RNF19A: variants seen among roughly 807,000 people sequenced by gnomAD.
RNF19A encodes the protein ring finger protein 19A, RBR E3 ubiquitin protein ligase, also known as E3 ubiquitin-protein ligase RNF19A.
In RNF19A, 32 loss-of-function variants were observed where a neutral mutation model predicts 75.7. That is an observed-to-expected ratio of 0.42 (90% confidence interval 0.32 to 0.57). The LOEUF is 0.57. RNF19A is among the 20% of genes least tolerant of loss of function. The probability of loss-of-function intolerance (pLI) is 0.10; values close to 1 mark genes in which losing one functional copy is unlikely to be tolerated. For synonymous variants in RNF19A, 335 were observed against 345.2 expected, an observed-to-expected ratio of 0.97 and a Z score of 0.33; for missense variants, 782 against 1,036.3, an observed-to-expected ratio of 0.75 and a Z score of 3.37.
chr8:100,318,473 T>A (rs1241873788), intron 1 of RNF19A, among the ~76,000 whole-genome samples: 1 of 152,212 alleles, frequency 6.6e-6, no homozygotes, highest in Non-Finnish European at 1.5e-5. Flanking sequence ...AAAAAATGTG[T>A]ATGAATACAT....
intron 1 of RNF19A, among the ~76,000 whole-genome samples, chr8:100,298,194 G>T: frequency 8.9e-6 from 1 of 111,882 alleles, no homozygotes; most frequent in African/African-American, 4.6e-5. Flanking sequence ...ACCATGTATT[G>T]GGTTAAAAAA....
In RNF19A at chr8:100,333,850, G is replaced by T. The variant is rs1360154468; in HGVS notation, c.-243+2258C>A. ...TAACAACAAAAACCGAAAACACATT[G>T]TCTATCTTTATTTACGACCCCATAA... On this transcript the variant is annotated intron_variant, in intron 1 of 3. Coordinates refer to the RNF19A transcript ENST00000519527. The surrounding 1 kb of genome is among the most constrained non-coding windows in gnomAD (Gnocchi z 4.7). Among the ~76,000 whole-genome samples the T allele has an allele frequency of 6.6e-6, 1 of 152,136 alleles. No individual in the cohort carries two copies. Among genetic ancestry groups the T allele is most frequent in the Non-Finnish European group, 1.5e-5 (1 of 68,030 alleles).
At chr8:100,309,355 A>T (rs1470700904) in intron 1 of RNF19A, 1 of 985,634 alleles carries the variant, frequency 1.0e-6, no homozygotes, top group Non-Finnish European at 1.2e-6. Context: ...TTGCGGGGCG[A>T]TGTCCCGGCT....
intron 1 of RNF19A, among the ~76,000 whole-genome samples, chr8:100,295,890 T>C (rs1391046981): frequency 6.6e-6 from 1 of 152,208 alleles, no homozygotes; most frequent in African/African-American, 2.4e-5. Flanking sequence ...CTGAAGTTCA[T>C]TATAATAAAG....
intron 1 of RNF19A, among the ~76,000 whole-genome samples, chr8:100,304,020 A>G (rs904220926): frequency 4.6e-5 from 7 of 152,114 alleles, no homozygotes; most frequent in African/African-American, 1.4e-4. Context: ...GCAATGTCGC[A>G]ATCTCGGCTC....
chr8:100,271,730 A>G (rs1045343061), intron 3 of RNF19A, among the ~76,000 whole-genome samples: 3 of 152,196 alleles, frequency 2.0e-5, no homozygotes, highest in Non-Finnish European at 4.4e-5. Flanking sequence ...ATACTTATTT[A>G]TCTATGAAAG....
intron 1 of RNF19A, among the ~76,000 whole-genome samples, chr8:100,296,978 GA>G (rs1390887040): frequency 6.6e-6 from 1 of 152,034 alleles, no homozygotes; most frequent in Non-Finnish European, 1.5e-5. Flanking sequence ...CACATGTATT[GA>G]AAACAAAAAT....
At chr8:100,290,406 T>G (rs1336706790) in intron 1 of RNF19A, among the ~76,000 whole-genome samples, 1 of 152,192 alleles carries the variant, frequency 6.6e-6, no homozygotes, top group African/African-American at 2.4e-5. Context: ...CCAGCCAAAC[T>G]TTCTTAATAT....
intron 3 of RNF19A, among the ~76,000 whole-genome samples, chr8:100,274,067 G>A (rs889843569): frequency 1.2e-4 from 18 of 152,298 alleles, no homozygotes; most frequent in African/African-American, 3.8e-4. Flanking sequence ...TTACAGGCAT[G>A]AGCCACCGTG....
At chr8:100,273,420 A>G (rs1295760753) in intron 3 of RNF19A, among the ~76,000 whole-genome samples, 1 of 152,184 alleles carries the variant, frequency 6.6e-6, no homozygotes, top group Non-Finnish European at 1.5e-5. Flanking sequence ...ACTTGGCTCT[A>G]AAGCAACTTT....
rs369324395 is a variant in RNF19A at position 100,317,127 on chromosome 8, G to GCCGCACGCAGCCCAGCCCGGGTTC, written c.-242-3779_-242-3756dup. ...CCGGAACTCCAGCTGGCCCGCAAGC[G>GCCGCACGCAGCCCAGCCCGGGTTC]CCGCACGCAGCCCAGCCCGGGTTCC... On this transcript the variant is annotated intron_variant, in intron 1 of 3. Transcript: ENST00000519527. The surrounding 1 kb of genome is among the most constrained non-coding windows in gnomAD (Gnocchi z 4.3). Among the ~76,000 whole-genome samples, 47,989 of 151,208 alleles carry GCCGCACGCAGCCCAGCCCGGGTTC rather than the reference G, an allele frequency of 0.32. 8,335 individuals carry two copies. Among genetic ancestry groups the GCCGCACGCAGCCCAGCCCGGGTTC allele is most frequent in the East Asian group, 0.41 (2,056 of 5,062 alleles).
chr8:100,295,777 A>T lies in RNF19A; in HGVS notation c.-93-7510T>A, dbSNP rs553646093. Among the ~76,000 whole-genome samples, 9 of 152,316 alleles carry T rather than the reference A, an allele frequency of 5.9e-5. No homozygotes were observed. In the South Asian group the frequency reaches 1.5e-3, roughly 25 times the overall value. ...TTTCTACCCAAGCTAATTTTGGCCC[A>T]AAGTAAACAGAGTTTTTATAAATCT... On this transcript the variant is annotated intron_variant, in intron 1 of 9. Transcript: ENST00000341084.
intron 1 of RNF19A, among the ~76,000 whole-genome samples, chr8:100,335,138 C>G (rs1822662670): frequency 6.6e-6 from 1 of 152,128 alleles, no homozygotes; most frequent in African/African-American, 2.4e-5. Context: ...TATTATCAAC[C>G]ATTATAAAAA....
rs1343916457 is a variant in RNF19A at position 100,274,970 on chromosome 8, T to C, written c.866A>G (p.Gln289Arg). 6.2e-7 allele frequency: 1 copy of C among 1,613,738 alleles called. No individual in the cohort carries two copies. The highest frequency in any genetic ancestry group is 2.2e-5 in the East Asian group (1 of 44,876). The change falls in exon 3 of 10, where the codon CAA (glutamine) becomes CGA (arginine). Residue 289 changes from glutamine to arginine, a missense_variant. Coordinates refer to ENST00000341084, the MANE Select transcript of RNF19A (RefSeq NM_183419.4). Reference sequence around the variant, plus strand: ...ATAAATACCTGCTGCTCCAGACTCTTGACTATAACTAATGGATGAAGAACG... The same window carrying C: ...ATAAATACCTGCTGCTCCAGACTCTCGACTATAACTAATGGATGAAGAACG... Reference protein sequence around the residue: ...TIRSSSISYSQESGAAADDIK... With the variant: ...TIRSSSISYSRESGAAADDIK...
rs764299825 is a variant in RNF19A at position 100,264,726 on chromosome 8, T to C, written c.1251A>G (p.Ala417=). The change falls in exon 6 of 10, where the codon GCA becomes GCG. Residue 417 remains alanine (A), a synonymous_variant. Coordinates refer to ENST00000341084, the MANE Select transcript of RNF19A (RefSeq NM_183419.4). This position sits in a 1 kb window ranked among gnomAD's most constrained non-coding sequence, Gnocchi z 4.7. ...CGATTACAGACAACGTTACACCACC[T>C]GCTATGGCCAAATTCCGTTTGTGCT... is the stretch of plus-strand genomic sequence containing the variant. ...VSKHKRNLAI[A]GGVTLSVIVS... is the part of the protein sequence containing the mutation. 1.5e-5 allele frequency: 25 copies of C among 1,613,642 alleles called. 1 individual carries two copies. In the African/African-American group the frequency reaches 2.9e-4, roughly 19 times the overall value.
intron 3 of RNF19A, among the ~76,000 whole-genome samples, chr8:100,274,487 T>C (rs1047336047): frequency 1.3e-5 from 2 of 152,222 alleles, no homozygotes; most frequent in African/African-American, 4.8e-5. Context: ...GTGTTAAAAT[T>C]TCATGTGACT....
chr8:100,272,290 TATAA>T (rs1455364014), intron 3 of RNF19A, among the ~76,000 whole-genome samples: 3 of 152,140 alleles, frequency 2.0e-5, no homozygotes, highest in African/African-American at 7.2e-5. Context: ...AACATTATAC[TATAA>T]ATATTGTATT....
At position 100,258,633 on chromosome 8, in the gene RNF19A, C is replaced by G; in HGVS notation, c.2440G>C (p.Asp814His). Residue 814 changes from aspartate to histidine, a missense_variant, in exon 10 of 10, where the codon GAT (aspartate) becomes CAT (histidine). Coordinates refer to ENST00000341084, the MANE Select transcript of RNF19A (RefSeq NM_183419.4). The surrounding 1 kb of genome is among the most constrained non-coding windows in gnomAD (Gnocchi z 4.3). The stretch of plus-strand genomic sequence containing the variant: ...TTGTTATTTGTTTCTTTTAGTGCAT[C>G]GCCAAAATATAAATCAACATTAGGT... ...IKPNVDLYFG[D>H]ALKETNNNHS... 1 of 1,613,984 alleles carries G rather than the reference C, an allele frequency of 6.2e-7. No homozygotes were observed. The highest frequency in any genetic ancestry group is 8.5e-7 in the Non-Finnish European group (1 of 1,179,976).
intron 1 of RNF19A, among the ~76,000 whole-genome samples, chr8:100,291,345 T>TA (rs1821285641): frequency 6.6e-6 from 1 of 152,224 alleles, no homozygotes; most frequent in South Asian, 2.1e-4. Flanking sequence ...TGCTTAGTAT[T>TA]AAATGAATGA....
Sources: allele counts gnomAD v4.1 joint callset (sites outside exome capture counted in the v4.1 genomes callset), GRCh38; gene constraint gnomAD v4.1.1; non-coding constraint Gnocchi (gnomAD v3.1); transcripts MANE v1.5; gene names NCBI Gene and HGNC (gene_info 2026-07-23, HGNC 2026-07-21).